The following KCNN2 variants were observed in gnomAD, a reference collection of about 807,000 sequenced individuals.
The protein encoded by KCNN2 is potassium calcium-activated channel subfamily N member 2, also known as small conductance calcium-activated potassium channel protein 2.
Under a neutral mutation model 55.5 loss-of-function variants are expected in KCNN2, and 24 were observed. The ratio of observed to expected loss-of-function variants is 0.43; its 90% CI spans 0.31 to 0.61. The LOEUF (loss-of-function observed/expected upper bound fraction) is 0.61, where lower values mean the gene tolerates loss of function less well. KCNN2 is among the 20% of genes least tolerant of loss of function. The pLI, the probability that KCNN2 is intolerant of heterozygous loss-of-function variation, is 0.08. For synonymous variants in KCNN2, 431 were observed against 336.1 expected, an observed-to-expected ratio of 1.28 and a Z score of -3.09; for missense variants, 754 against 853.6, an observed-to-expected ratio of 0.88 and a Z score of 1.45.
intron 1 of KCNN2, among the ~76,000 whole-genome samples, chr5:114,078,562 A>G (rs1750731634): frequency 6.6e-6 from 1 of 152,206 alleles, no homozygotes; most frequent in South Asian, 2.1e-4. Context: ...CTTCTCTGAA[A>G]CTGGAGCAGA....
chr5:114,459,131 C>G (rs1468528200), intron 3 of KCNN2, among the ~76,000 whole-genome samples: 1 of 152,158 alleles, frequency 6.6e-6, no homozygotes, highest in African/African-American at 2.4e-5. Context: ...GGAATAGAAA[C>G]TAAGAAAAGG....
At chr5:114,204,304 C>T (rs1231300876) in intron 1 of KCNN2, among the ~76,000 whole-genome samples, 1 of 152,172 alleles carries the variant, frequency 6.6e-6, no homozygotes, top group Non-Finnish European at 1.5e-5. Flanking sequence ...AAATTGTTTG[C>T]TTCTATGTAA....
chr5:114,076,597 C>G (rs1226987776), intron 1 of KCNN2, among the ~76,000 whole-genome samples: 1 of 152,180 alleles, frequency 6.6e-6, no homozygotes, highest in African/African-American at 2.4e-5. Context: ...AAATATAGCT[C>G]TTATTTCCAT....
chr5:114,302,545 T>TG (rs1457995058), intron 2 of KCNN2, among the ~76,000 whole-genome samples: 1 of 152,008 alleles, frequency 6.6e-6, no homozygotes, highest in African/African-American at 2.4e-5. Flanking sequence ...AAAATGACAA[T>TG]GGGTGGTTGG....
chr5:114,321,240 G>A (rs962716353), intron 2 of KCNN2, among the ~76,000 whole-genome samples: 3 of 152,142 alleles, frequency 2.0e-5, no homozygotes, highest in Middle Eastern at 3.4e-3. Context: ...CTTATATTGA[G>A]GGTTTGTTCT....
Position 114,430,675 on chromosome 5 carries a change from C to T in KCNN2, c.1637+25819C>T, listed in dbSNP as rs368084010. 7.2e-5 allele frequency among the ~76,000 whole-genome samples: 11 copies of T among 152,136 alleles called. No homozygotes were observed. In the South Asian group the frequency reaches 2.3e-3, roughly 32 times the overall value. On this transcript the variant is annotated intron_variant, in intron 3 of 7. Coordinates refer to ENST00000673685, the MANE Select transcript of KCNN2 (RefSeq NM_021614.4). Reference sequence around the variant, plus strand: ...CATCCTTGCCTTGTTCCTGATCTTACCAGGAAAGCACCTAGTTTCTTAAGT... The same window carrying T: ...CATCCTTGCCTTGTTCCTGATCTTATCAGGAAAGCACCTAGTTTCTTAAGT...
At chr5:114,343,274 T>C (rs1002887414) in intron 2 of KCNN2, among the ~76,000 whole-genome samples, 3 of 152,182 alleles carry the variant, frequency 2.0e-5, no homozygotes, top group Non-Finnish European at 4.4e-5. Context: ...GTTCTGTCTT[T>C]GGTTAAATTA....
At chr5:114,255,932 G>T (rs1754974258) in intron 2 of KCNN2, among the ~76,000 whole-genome samples, 1 of 151,992 alleles carries the variant, frequency 6.6e-6, no homozygotes. Context: ...TGACGTCTGG[G>T]TTTTTAGGGG....
intron 1 of KCNN2, among the ~76,000 whole-genome samples, chr5:114,179,129 T>C (rs1422735615): frequency 1.3e-5 from 2 of 152,228 alleles, no homozygotes; most frequent in African/African-American, 4.8e-5. Context: ...ATTTATTTAT[T>C]ATCTCACAGT....
chr5:114,224,794 A>G (rs1255751796), intron 2 of KCNN2, among the ~76,000 whole-genome samples: 1 of 152,180 alleles, frequency 6.6e-6, no homozygotes, highest in Non-Finnish European at 1.5e-5. Context: ...AGATAAAGTG[A>G]AGAGTGTAGG....
chr5:114,122,157 A>G (rs915055921), intron 1 of KCNN2, among the ~76,000 whole-genome samples: 4 of 152,186 alleles, frequency 2.6e-5, no homozygotes, highest in Admixed American at 1.3e-4. Flanking sequence ...AGGAGTAATA[A>G]TGTAATCAGC....
At chr5:114,120,358 G>A (rs116179429) in intron 1 of KCNN2, among the ~76,000 whole-genome samples, 2,972 of 152,236 alleles carry the variant, frequency 0.02, 30 homozygotes, top group Non-Finnish European at 0.029. Context: ...CTGCCAATTT[G>A]TTTATCCCAT....
chr5:114,164,265 A>G (rs1752860382), intron 1 of KCNN2, among the ~76,000 whole-genome samples: 1 of 152,202 alleles, frequency 6.6e-6, no homozygotes, highest in Admixed American at 6.5e-5. Context: ...GAGGACAAAT[A>G]TTAAGGTAAG....
At chr5:114,062,762 AG>A (rs1364699880) in intron 1 of KCNN2, among the ~76,000 whole-genome samples, 1 of 152,236 alleles carries the variant, frequency 6.6e-6, no homozygotes, top group Non-Finnish European at 1.5e-5. Flanking sequence ...TTCATGTATA[AG>A]ACCTCACATG....
At position 114,373,640 on chromosome 5, in the gene KCNN2, T is replaced by TTTTATATATATATATA. The variant is rs536849367; in HGVS notation, c.1218+9640_1218+9641insTTATATATATATATAT. Among the ~76,000 whole-genome samples the TTTTATATATATATATA allele has an allele frequency of 3.0e-3, 169 of 56,720 alleles. 15 individuals are homozygous for TTTTATATATATATATA. The highest frequency in any genetic ancestry group is 8.4e-3 in the African/African-American group (159 of 19,012). The allele number at this position is 56,720 out of a possible 152,430, so 37.2% of individuals were successfully genotyped here. A position where few individuals can be genotyped will look rare whatever the true frequency, so the allele number is the denominator to read the frequency against. On this transcript the variant is annotated intron_variant, in intron 2 of 7. Coordinates refer to ENST00000673685, the MANE Select transcript of KCNN2 (RefSeq NM_021614.4). Reference sequence around the variant, plus strand: ...CTCTCATGGTGTTGTTATGAAGATTTTATATATATATATATATAAAATTAC... The same window carrying TTTTATATATATATATA: ...CTCTCATGGTGTTGTTATGAAGATTTTTTATATATATATATATATATATATATATATATAAAATTAC...
intron 2 of KCNN2, among the ~76,000 whole-genome samples, chr5:114,402,041 A>C (rs1219388743): frequency 2.0e-5 from 3 of 152,212 alleles, no homozygotes; most frequent in Non-Finnish European, 4.4e-5. Flanking sequence ...GAGTGAGAGA[A>C]AAGTCAGAGA....
chr5:114,128,197 A>G (rs1284182627), intron 1 of KCNN2, among the ~76,000 whole-genome samples: 2 of 152,168 alleles, frequency 1.3e-5, no homozygotes, highest in African/African-American at 4.8e-5. Context: ...TTCTGCTAAT[A>G]AAGACATACT....
chr5:114,426,413 G>GT (rs1403914131), intron 3 of KCNN2, among the ~76,000 whole-genome samples: 2 of 151,986 alleles, frequency 1.3e-5, no homozygotes, highest in Non-Finnish European at 2.9e-5. Context: ...ATTTTGTTGA[G>GT]TTTTTTAAAA....
chr5:114,097,525 G>A (rs949977180), intron 1 of KCNN2, among the ~76,000 whole-genome samples: 1 of 152,112 alleles, frequency 6.6e-6, no homozygotes, highest in East Asian at 1.9e-4. Context: ...ACTATAGCTT[G>A]TTCCCCTGGC....
Sources: gnomAD v4.1 joint callset for allele counts (sites outside exome capture counted in the v4.1 genomes callset) on GRCh38, gnomAD v4.1.1 for gene constraint, MANE v1.5 for transcripts, NCBI Gene and HGNC (gene_info 2026-07-23, HGNC 2026-07-21) for gene names.